Variants in USH2A observed in about 807,000 individuals in gnomAD.
USH2A encodes usherin.
In USH2A, 443 loss-of-function variants were observed where a neutral mutation model predicts 538.9. The observed-to-expected ratio is 0.82, with a 90% CI of 0.76 to 0.89. The LOEUF is 0.89. Among genes scored for constraint, USH2A ranks in the 40% least tolerant of loss-of-function variants. The probability of loss-of-function intolerance (pLI) is 0.00; values close to 1 mark genes in which losing one functional copy is unlikely to be tolerated. For synonymous variants in USH2A, 2,413 were observed against 2,273.5 expected, an observed-to-expected ratio of 1.06 and a Z score of -1.75; for missense variants, 6,633 against 6,324.8, an observed-to-expected ratio of 1.05 and a Z score of -1.65.
chr1:215,837,982 AT>A lies in USH2A; in HGVS notation c.9371+8del. 6.2e-7 allele frequency: 1 copy of A among 1,608,100 alleles called. No individual in the cohort carries two copies. The highest frequency in any genetic ancestry group is 1.3e-5 in the African/African-American group (1 of 74,908). On this transcript the variant is annotated splice_region_variant and intron_variant, in intron 47 of 71. Transcript: ENST00000307340. ...GTTCCTTAGATTTAACTGACACAAA[AT>A]TTTGTACCTTGAAGTGATGCCACGA... is the stretch of plus-strand genomic sequence containing the variant.
intron 14 of USH2A, among the ~76,000 whole-genome samples, chr1:216,229,524 A>G (rs2035633286): frequency 6.6e-6 from 1 of 152,108 alleles, no homozygotes; most frequent in African/African-American, 2.4e-5. Flanking sequence ...CATGTTGCCC[A>G]GGCTGGTCTT....
intron 71 of USH2A, 49 bp downstream of exon 71, chr1:215,628,764 AT>A: frequency 6.3e-7 from 1 of 1,599,664 alleles, no homozygotes; most frequent in Non-Finnish European, 8.6e-7. Context: ...CTGTACCAAT[AT>A]TTTTTCTGGG....
chr1:216,202,938 A>G (rs1298327364), intron 16 of USH2A, among the ~76,000 whole-genome samples: 1 of 152,120 alleles, frequency 6.6e-6, no homozygotes, highest in African/African-American at 2.4e-5. Flanking sequence ...CAACATTTAT[A>G]TATTCTATTG....
At chr1:215,699,479 C>T (rs2102688454) in intron 61 of USH2A, among the ~76,000 whole-genome samples, 1 of 152,172 alleles carries the variant, frequency 6.6e-6, no homozygotes, top group African/African-American at 2.4e-5. Flanking sequence ...TTGTTTGTGT[C>T]CTCTCTTAAC....
intron 3 of USH2A, among the ~76,000 whole-genome samples, chr1:216,372,211 C>T (rs115768157): frequency 1.3e-3 from 201 of 152,204 alleles, no homozygotes; most frequent in Admixed American, 2.7e-3. Flanking sequence ...CAGGTATGCC[C>T]CTCAAAGATT....
chr1:216,179,398 A>G (rs1433245295), intron 20 of USH2A, among the ~76,000 whole-genome samples: 1 of 152,140 alleles, frequency 6.6e-6, no homozygotes. Flanking sequence ...TAAGTAGTAG[A>G]GCACTTCTTG....
chr1:215,836,615 G>C (rs1366405511), intron 47 of USH2A, among the ~76,000 whole-genome samples: 4 of 112,174 alleles, frequency 3.6e-5, no homozygotes, highest in African/African-American at 6.3e-5. Flanking sequence ...GGAGTGCAGT[G>C]GCGTGATCTC....
chr1:216,180,629 T>C (rs1031754233), intron 20 of USH2A, among the ~76,000 whole-genome samples: 4 of 152,098 alleles, frequency 2.6e-5, no homozygotes, highest in Non-Finnish European at 4.4e-5. Flanking sequence ...AAGGAATCTG[T>C]TCATTTTTTG....
At position 216,360,940 on chromosome 1, in the gene USH2A, T is replaced by C. The variant is rs547784000; in HGVS notation, c.784+4013A>G. On this transcript the variant is annotated intron_variant, in intron 4 of 71. Coordinates refer to ENST00000307340, the MANE Select transcript of USH2A (RefSeq NM_206933.4). ...ATTGAAAAACTGTTTCTAAAATTCATATATAATAGCCAAGGCAATCTTAAA... is the reference window on the plus strand; with the variant it reads ...ATTGAAAAACTGTTTCTAAAATTCACATATAATAGCCAAGGCAATCTTAAA... 2.0e-5 allele frequency among the ~76,000 whole-genome samples: 3 copies of C among 152,210 alleles called. No individual in the cohort carries two copies. In the East Asian group the frequency reaches 5.8e-4, roughly 29 times the overall value.
intron 4 of USH2A, among the ~76,000 whole-genome samples, chr1:216,345,777 G>A (rs1200053267): frequency 1.3e-5 from 2 of 152,124 alleles, no homozygotes; most frequent in Admixed American, 1.3e-4. Context: ...GGCTAGTTAT[G>A]TCCTTGGGAG....
intron 11 of USH2A, among the ~76,000 whole-genome samples, chr1:216,251,442 CTTTTTTTTT>C (rs779947689): frequency 2.1e-4 from 17 of 80,338 alleles, no homozygotes; most frequent in Admixed American, 4.0e-4. Flanking sequence ...ACCACTTCCC[CTTTTTTTTT>C]TTTTTTTTTT....
chr1:215,753,589 C>A (rs1366568317), intron 58 of USH2A, among the ~76,000 whole-genome samples: 1 of 151,992 alleles, frequency 6.6e-6, no homozygotes, highest in South Asian at 2.1e-4. Context: ...CATGTTCTCA[C>A]TCATAGGTGG....
intron 32 of USH2A, among the ~76,000 whole-genome samples, chr1:216,010,644 G>T (rs1201872742): frequency 1.3e-5 from 2 of 151,700 alleles, no homozygotes; most frequent in Non-Finnish European, 1.5e-5. Context: ...ACTGTTGCAG[G>T]TATTGACGGC....
In USH2A at chr1:216,207,271, A is replaced by T. The variant is rs753423216; in HGVS notation, c.3316+2T>A. 2.5e-6 allele frequency: 4 copies of T among 1,613,898 alleles called. No homozygotes were observed. Among genetic ancestry groups the T allele is most frequent in the Non-Finnish European group, 3.4e-6 (4 of 1,179,884 alleles). On this transcript the variant is annotated splice_donor_variant, in intron 16 of 71. Coordinates refer to ENST00000307340, the MANE Select transcript of USH2A (RefSeq NM_206933.4). LOFTEE classifies it high-confidence loss of function. ...TTTCTATTACCAAACCCTTAAACTC[A>T]CTGTATGGGTATTGATCCTCTGTTG...
At chr1:216,370,348 G>A (rs959144480) in intron 3 of USH2A, among the ~76,000 whole-genome samples, 3 of 148,386 alleles carry the variant, frequency 2.0e-5, no homozygotes, top group African/African-American at 7.5e-5. Context: ...GCGACAGAGT[G>A]AGACTCTATC....
chr1:215,857,003 G>A (rs541825777), intron 44 of USH2A, among the ~76,000 whole-genome samples: 2 of 152,228 alleles, frequency 1.3e-5, no homozygotes, highest in East Asian at 3.9e-4. Context: ...ACTCATAAGT[G>A]AGAGCTAAAC....
intron 64 of USH2A, among the ~76,000 whole-genome samples, chr1:215,666,175 C>A (rs1042987223): frequency 2.6e-5 from 4 of 152,080 alleles, no homozygotes; most frequent in Non-Finnish European, 5.9e-5. Flanking sequence ...CTAGAAAAAT[C>A]CCCTGTTTTA....
intron 2 of USH2A, among the ~76,000 whole-genome samples, chr1:216,419,524 G>C (rs1452289657): frequency 1.3e-5 from 2 of 151,978 alleles, no homozygotes; most frequent in Non-Finnish European, 2.9e-5. Flanking sequence ...GATTATGCTT[G>C]GTCCTGGCAC....
intron 35 of USH2A, among the ~76,000 whole-genome samples, chr1:215,973,008 T>C (rs1448180158): frequency 6.6e-6 from 1 of 152,120 alleles, no homozygotes; most frequent in African/African-American, 2.4e-5. Context: ...AAAGATATGA[T>C]CAGGTAATAA....
Sources: allele counts gnomAD v4.1 joint callset (sites outside exome capture counted in the v4.1 genomes callset), GRCh38; gene constraint gnomAD v4.1.1; transcripts MANE v1.5; gene names NCBI Gene and HGNC (gene_info 2026-07-23, HGNC 2026-07-21).